ADAMTS19: variants seen among roughly 807,000 people sequenced by gnomAD.
ADAMTS19 encodes ADAM metallopeptidase with thrombospondin type 1 motif 19, also known as A disintegrin and metalloproteinase with thrombospondin motifs 19.
In ADAMTS19, 93 loss-of-function variants were observed where a neutral mutation model predicts 153.3. The observed-to-expected ratio is 0.61, with a 90% CI of 0.51 to 0.72. The LOEUF (loss-of-function observed/expected upper bound fraction) is 0.72. Among genes scored for constraint, ADAMTS19 ranks in the 30% least tolerant of loss-of-function variants. The pLI is 0.00. For synonymous variants in ADAMTS19, 600 were observed against 556.6 expected, an observed-to-expected ratio of 1.08 and a Z score of -1.10; for missense variants, 1,482 against 1,552.1, an observed-to-expected ratio of 0.95 and a Z score of 0.76.
At chr5:129,580,220 T>A (rs1294821990) in intron 7 of ADAMTS19, among the ~76,000 whole-genome samples, 1 of 152,200 alleles carries the variant, frequency 6.6e-6, no homozygotes, top group Admixed American at 6.5e-5. Flanking sequence ...AGTTCACTCA[T>A]GATTTGGCTT....
intron 7 of ADAMTS19, among the ~76,000 whole-genome samples, chr5:129,584,678 G>C (rs1170769574): frequency 6.6e-6 from 1 of 152,082 alleles, no homozygotes; most frequent in South Asian, 2.1e-4. Flanking sequence ...TGAACTTCCT[G>C]GTAGCTTTGT....
intron 2 of ADAMTS19, among the ~76,000 whole-genome samples, chr5:129,482,915 A>G (rs1750463261): frequency 6.6e-6 from 1 of 152,174 alleles, no homozygotes; most frequent in Non-Finnish European, 1.5e-5. Context: ...TTCTTATTAT[A>G]TTTTGGTATT....
intron 19 of ADAMTS19, among the ~76,000 whole-genome samples, chr5:129,699,821 A>G (rs1755746246): frequency 1.3e-5 from 2 of 152,348 alleles, no homozygotes; most frequent in East Asian, 3.9e-4. Context: ...AGATGAAGCT[A>G]GAAAAATATA....
chr5:129,503,792 C>A (rs1751182476), intron 2 of ADAMTS19, among the ~76,000 whole-genome samples: 1 of 151,980 alleles, frequency 6.6e-6, no homozygotes, highest in South Asian at 2.1e-4. Flanking sequence ...CATGCCATTG[C>A]ACTCCAGCCT....
intron 8 of ADAMTS19, among the ~76,000 whole-genome samples, chr5:129,615,568 ATC>A (rs1299121885): frequency 6.6e-6 from 1 of 151,990 alleles, no homozygotes; most frequent in Admixed American, 6.6e-5. Flanking sequence ...CATTTTTAGA[ATC>A]TCTGTTTGCC....
chr5:129,496,246 G>C (rs537496540), intron 2 of ADAMTS19, among the ~76,000 whole-genome samples: 1 of 152,116 alleles, frequency 6.6e-6, no homozygotes, highest in Admixed American at 6.6e-5. Context: ...GGTGCAAGTG[G>C]TAACGAGGAC....
Position 129,735,099 on chromosome 5 carries a change from A to G in ADAMTS19, c.3480A>G (p.Ser1160=), listed in dbSNP as rs200205329. ...NEKINVNTIT[S]PRLAALTFKC... is the part of the protein sequence containing the mutation. ...AAATTAATGTAAATACCATAACATCACCCAGACTGGGTAAGCAGACAAAAA... is the reference window on the plus strand; with the variant it reads ...AAATTAATGTAAATACCATAACATCGCCCAGACTGGGTAAGCAGACAAAAA... The change falls in exon 22 of 23, where the codon TCA becomes TCG. Residue 1160 remains serine, a synonymous_variant. Coordinates refer to ENST00000274487, the MANE Select transcript of ADAMTS19 (RefSeq NM_133638.6). 3 of 1,585,902 alleles carry G rather than the reference A, an allele frequency of 1.9e-6. No individual in the cohort carries two copies. The highest frequency in any genetic ancestry group is 2.2e-5 in the East Asian group (1 of 44,448).
chr5:129,618,865 C>T (rs1366632745), intron 8 of ADAMTS19, among the ~76,000 whole-genome samples: 1 of 151,990 alleles, frequency 6.6e-6, no homozygotes, highest in Non-Finnish European at 1.5e-5. Context: ...TTTTACTGGC[C>T]TCATTTATGA....
intron 3 of ADAMTS19, among the ~76,000 whole-genome samples, chr5:129,519,648 G>GA (rs60640527): frequency 0.14 from 20,527 of 144,576 alleles, 2,087 homozygotes; most frequent in African/African-American, 0.31. Flanking sequence ...CATTTTATAG[G>GA]AAAAAAAAAA....
chr5:129,554,166 C>A (rs6896110), intron 7 of ADAMTS19, among the ~76,000 whole-genome samples: 77,570 of 151,880 alleles, frequency 0.51, 22,903 homozygotes, highest in Non-Finnish European at 0.65. Context: ...AATTGAGCAT[C>A]TATGGATTTT....
At position 129,737,218 on chromosome 5, in the gene ADAMTS19, A is replaced by C; in HGVS notation, c.3642A>C (p.Ter1214CysextTer17). ...FYAQKLQQKS* is the reference protein window; with the variant it reads ...FYAQKLQQKSC ...CCCAAAAGCTGCAGCAGAAGAGTTG[A>C]CCTCTAGCAGGCTGGCTGGATCACA... Residue 1214 changes from the stop codon to cysteine (C), a stop_lost, in exon 23 of 23, where the codon TGA becomes TGC. Coordinates refer to ENST00000274487, the MANE Select transcript of ADAMTS19 (RefSeq NM_133638.6). 6.3e-7 allele frequency: 1 copy of C among 1,595,044 alleles called. No homozygotes were observed. The highest frequency in any genetic ancestry group is 8.6e-7 in the Non-Finnish European group (1 of 1,167,444).
At chr5:129,541,260 C>T (rs1011881308) in intron 6 of ADAMTS19, among the ~76,000 whole-genome samples, 2 of 150,798 alleles carry the variant, frequency 1.3e-5, no homozygotes, top group Non-Finnish European at 3.0e-5. Flanking sequence ...ATGCCCTTGA[C>T]GATAAGCAGT....
At chr5:129,605,517 T>G (rs1238806385) in intron 8 of ADAMTS19, among the ~76,000 whole-genome samples, 2 of 152,246 alleles carry the variant, frequency 1.3e-5, no homozygotes, top group Non-Finnish European at 2.9e-5. Context: ...AGTGAGGCCT[T>G]TCTGATAACA....
intron 7 of ADAMTS19, among the ~76,000 whole-genome samples, chr5:129,591,362 G>A (rs538233003): frequency 8.6e-5 from 13 of 150,390 alleles, no homozygotes; most frequent in African/African-American, 1.5e-4. Context: ...GCACAATCTC[G>A]GCTCACTGCA....
chr5:129,728,697 A>G (rs886428849), intron 21 of ADAMTS19, among the ~76,000 whole-genome samples: 4 of 152,158 alleles, frequency 2.6e-5, no homozygotes, highest in Non-Finnish European at 5.9e-5. Context: ...TAGCTTCCAC[A>G]GTGGTAGTAA....
chr5:129,686,735 A>T (rs1355386075), intron 18 of ADAMTS19, among the ~76,000 whole-genome samples: 1 of 152,172 alleles, frequency 6.6e-6, no homozygotes, highest in Non-Finnish European at 1.5e-5. Context: ...CTCCAGGAGC[A>T]TCTTTGCCAG....
chr5:129,562,378 G>A (rs760489300), intron 7 of ADAMTS19, among the ~76,000 whole-genome samples: 8 of 152,144 alleles, frequency 5.3e-5, no homozygotes, highest in Admixed American at 2.6e-4. Context: ...GGGAGTAAGC[G>A]GCAGTGAATA....
chr5:129,472,775 TTA>T (rs2126654242), intron 2 of ADAMTS19, among the ~76,000 whole-genome samples: 1 of 150,654 alleles, frequency 6.6e-6, no homozygotes, highest in South Asian at 2.1e-4. Flanking sequence ...ATTTATGTTA[TTA>T]TATTTCTTAA....
intron 20 of ADAMTS19, among the ~76,000 whole-genome samples, chr5:129,703,512 C>T (rs1373996751): frequency 1.3e-5 from 2 of 152,094 alleles, no homozygotes; most frequent in Admixed American, 6.6e-5. Flanking sequence ...GTGGGTGGAC[C>T]ACTTGAGGCC....
Sources: allele counts gnomAD v4.1 joint callset (sites outside exome capture counted in the v4.1 genomes callset), GRCh38; gene constraint gnomAD v4.1.1; transcripts MANE v1.5; gene names NCBI Gene and HGNC (gene_info 2026-07-23, HGNC 2026-07-21).